TNS3: variants seen among roughly 807,000 people sequenced by gnomAD.
TNS3 encodes tensin-3.
In TNS3, 45 loss-of-function variants were observed where a neutral mutation model predicts 140.9. The observed-to-expected ratio is 0.32, with a 90% CI of 0.25 to 0.41. The LOEUF (loss-of-function observed/expected upper bound fraction) is 0.41. Ranked by LOEUF, TNS3 falls within the 10% of genes least tolerant of loss-of-function variation. The pLI, the probability that TNS3 is intolerant of heterozygous loss-of-function variation, is 1.00. For synonymous variants in TNS3, 815 were observed against 788.4 expected (o/e 1.03, Z -0.56); for missense variants, 1,716 against 1,906.7 (o/e 0.90, Z 1.86).
chr7:47,378,195 G>A lies in TNS3; in HGVS notation c.1025-8574C>T, dbSNP rs528291832. Among the ~76,000 whole-genome samples the A allele has an allele frequency of 5.6e-4, 85 of 152,278 alleles. No homozygotes were observed. In the South Asian group the frequency reaches 0.016, roughly 29 times the overall value. On this transcript the variant is annotated intron_variant, in intron 16 of 30. Coordinates refer to ENST00000311160, the MANE Select transcript of TNS3 (RefSeq NM_022748.12). Reference sequence around the variant, plus strand: ...CCTTTCTGTGCTTTCCCCCTCTCTGGTCAAGTGAAGAATTCCCAGAACTCA... The same window carrying A: ...CCTTTCTGTGCTTTCCCCCTCTCTGATCAAGTGAAGAATTCCCAGAACTCA...
chr7:47,558,733 C>T (rs1278392457), intron 1 of TNS3, among the ~76,000 whole-genome samples: 1 of 152,194 alleles, frequency 6.6e-6, no homozygotes, highest in Non-Finnish European at 1.5e-5. Context: ...GGTCCCAGCT[C>T]TGCCTCCCCA....
intron 1 of TNS3, among the ~76,000 whole-genome samples, chr7:47,554,932 G>A (rs1230798434): frequency 3.4e-4 from 52 of 151,896 alleles, no homozygotes; most frequent in Non-Finnish European, 2.2e-4. Context: ...GGAGGCGGAG[G>A]CAGGAGGATC....
intron 17 of TNS3, among the ~76,000 whole-genome samples, chr7:47,355,826 C>T (rs895571813): frequency 1.3e-5 from 2 of 152,118 alleles, no homozygotes; most frequent in African/African-American, 4.8e-5. Context: ...TGCCAGCGCA[C>T]GGCCTGGCAG....
At chr7:47,458,594 G>C (rs553601250) in intron 4 of TNS3, among the ~76,000 whole-genome samples, 1 of 152,198 alleles carries the variant, frequency 6.6e-6, no homozygotes, top group Non-Finnish European at 1.5e-5. Context: ...TGTGAAAAAC[G>C]GGGCTGCTCA....
intron 17 of TNS3, among the ~76,000 whole-genome samples, chr7:47,354,826 C>G (rs919630046): frequency 6.6e-6 from 1 of 152,120 alleles, no homozygotes; most frequent in Admixed American, 6.5e-5. Context: ...CGCGGTGACA[C>G]GCTCATTGTC....
At chr7:47,415,298 C>G (rs978085712) in intron 10 of TNS3, 92 bp from the exon 11 acceptor site, 2 of 829,942 alleles carry the variant, frequency 2.4e-6, no homozygotes, top group Non-Finnish European at 3.8e-6. Context: ...CTGGCTGAGT[C>G]TGGGGCTCTG....
At chr7:47,484,283 G>A (rs60187062) in intron 3 of TNS3, among the ~76,000 whole-genome samples, 11,290 of 152,272 alleles carry the variant, frequency 0.074, 1,341 homozygotes, top group African/African-American at 0.25. Flanking sequence ...GTCACCTGTT[G>A]ATAAAGAGAA....
At position 47,296,415 on chromosome 7, in the gene TNS3, G is replaced by A. The variant is rs1037890478; in HGVS notation, c.3676+667C>T. Among the ~76,000 whole-genome samples the A allele has an allele frequency of 5.6e-4, 85 of 152,292 alleles. 2 individuals are homozygous for A. The highest frequency in any genetic ancestry group is 2.0e-3 in the African/African-American group (83 of 41,562). On this transcript the variant is annotated intron_variant, in intron 24 of 30. Transcript: ENST00000311160. ...AGCGTGGCGATTCCTCAAAGACCTAGAGGCAGTAATACCATAGGACCCAGC... is the reference window on the plus strand; with the variant it reads ...AGCGTGGCGATTCCTCAAAGACCTAAAGGCAGTAATACCATAGGACCCAGC...
chr7:47,304,504 G>A (rs1786626233), intron 21 of TNS3, among the ~76,000 whole-genome samples: 1 of 152,300 alleles, frequency 6.6e-6, no homozygotes, highest in East Asian at 1.9e-4. Flanking sequence ...TCTTTGTGAA[G>A]CAGAAATAGG....
At chr7:47,392,149 C>T (rs1243374636) in intron 16 of TNS3, among the ~76,000 whole-genome samples, 1 of 152,160 alleles carries the variant, frequency 6.6e-6, no homozygotes, top group African/African-American at 2.4e-5. Context: ...TCCTCAGGGA[C>T]AGCAACTACC....
Position 47,573,358 on chromosome 7 carries a change from G to A in TNS3, c.-265+8693C>T, listed in dbSNP as rs191359508. Among the ~76,000 whole-genome samples the A allele has an allele frequency of 2.6e-5, 4 of 152,212 alleles. No individual in the cohort carries two copies. In the East Asian group the frequency reaches 5.8e-4, roughly 22 times the overall value. ...CCTCCCACCCTGGGGACACCCTGCC[G>A]CCCTCCACGCTGCCTCCCACCAGCC... is the stretch of plus-strand genomic sequence containing the variant. On this transcript the variant is annotated intron_variant, in intron 1 of 30. Coordinates refer to ENST00000311160, the MANE Select transcript of TNS3 (RefSeq NM_022748.12).
chr7:47,353,992 AACACACACACACAC>A lies in TNS3; in HGVS notation c.2282-7650_2282-7637del, dbSNP rs10598998. Among the ~76,000 whole-genome samples, 34 of 143,492 alleles carry A rather than the reference AACACACACACACAC, an allele frequency of 2.4e-4. No individual in the cohort carries two copies. The South Asian group carries it at 4.5e-3, about 19-fold the overall frequency. 94.1% of individuals were successfully genotyped at this position (143,492 alleles called of 152,430 possible). A position where few individuals can be genotyped will look rare whatever the true frequency, so the allele number is the denominator to read the frequency against. ...ACAAACAAACAAACACAGAGGACAA[AACACACACACACAC>A]ACACACACACACACACACACACACA... On this transcript the variant is annotated intron_variant, in intron 17 of 30. Transcript: ENST00000311160.
intron 4 of TNS3, chr7:47,452,962 C>CA (rs1207595271): frequency 6.1e-6 from 6 of 985,426 alleles, no homozygotes; most frequent in Non-Finnish European, 7.2e-6. Flanking sequence ...GACCACCGGC[C>CA]AGGGCTGCTT....
At chr7:47,553,882 T>C (rs963929672) in intron 1 of TNS3, among the ~76,000 whole-genome samples, 1 of 151,936 alleles carries the variant, frequency 6.6e-6, no homozygotes, top group Non-Finnish European at 1.5e-5. Context: ...TCCGGCTCAC[T>C]GCAACCTCCA....
At chr7:47,357,503 C>T (rs1790059847) in intron 17 of TNS3, among the ~76,000 whole-genome samples, 1 of 152,156 alleles carries the variant, frequency 6.6e-6, no homozygotes, top group Non-Finnish European at 1.5e-5. Context: ...GAGTCTTCTC[C>T]CAAAACTGAA....
At chr7:47,378,633 T>A (rs1387565527) in intron 16 of TNS3, among the ~76,000 whole-genome samples, 1 of 152,344 alleles carries the variant, frequency 6.6e-6, no homozygotes, top group African/African-American at 2.4e-5. Flanking sequence ...AAGCACTTCG[T>A]ACCTATTGTC....
chr7:47,511,772 C>A (rs1394028401), intron 2 of TNS3, among the ~76,000 whole-genome samples: 1 of 152,142 alleles, frequency 6.6e-6, no homozygotes, highest in African/African-American at 2.4e-5. Context: ...TCTGGAACCT[C>A]CCCCTCTGAG....
intron 13 of TNS3, among the ~76,000 whole-genome samples, chr7:47,406,032 A>T (rs1793430591): frequency 6.6e-6 from 1 of 152,172 alleles, no homozygotes; most frequent in Non-Finnish European, 1.5e-5. Context: ...GAGCCCTGCC[A>T]GACTCCTGAT....
chr7:47,543,645 A>G (rs575127555), intron 1 of TNS3, among the ~76,000 whole-genome samples: 51 of 126,930 alleles, frequency 4.0e-4, no homozygotes, highest in African/African-American at 1.3e-3. Flanking sequence ...TGTCCTTTAC[A>G]CAACACTGTT....
Sources: allele counts gnomAD v4.1 joint callset (sites outside exome capture counted in the v4.1 genomes callset), GRCh38; gene constraint gnomAD v4.1.1; transcripts MANE v1.5; gene names NCBI Gene and HGNC (gene_info 2026-07-23, HGNC 2026-07-21).